Variants in MNAT1 observed in about 807,000 individuals in gnomAD.
MNAT1 encodes the protein MNAT1 component of CDK activating kinase, also known as CDK-activating kinase assembly factor MAT1.
Under a neutral mutation model 42.0 loss-of-function variants are expected in MNAT1, and 43 were observed. The observed-to-expected ratio is 1.02, with a 90% confidence interval of 0.80 to 1.32. The LOEUF (loss-of-function observed/expected upper bound fraction) is 1.32. Among genes scored for constraint, MNAT1 ranks in the 40% most tolerant of loss-of-function variants. MNAT1 has a pLI of 0.00. For missense variants in MNAT1, 306 were observed against 350.4 expected, an observed-to-expected ratio of 0.87 and a Z score of 1.01; for synonymous variants, 118 against 120.0, an observed-to-expected ratio of 0.98 and a Z score of 0.11.
intron 5 of MNAT1, among the ~76,000 whole-genome samples, chr14:60,815,703 C>A (rs2032692845): frequency 6.6e-6 from 1 of 152,132 alleles, no homozygotes; most frequent in Non-Finnish European, 1.5e-5. Flanking sequence ...TCTTCACCTG[C>A]AAGTCATTAC....
chr14:60,757,316 G>A (rs1184220746), intron 1 of MNAT1, among the ~76,000 whole-genome samples: 3 of 151,992 alleles, frequency 2.0e-5, no homozygotes, highest in Non-Finnish European at 2.9e-5. Flanking sequence ...TTAATATATA[G>A]ACTGTATCAA....
rs1292098396 is a variant in MNAT1, at chr14:60,812,094, AAGG to A, written c.530_532del (p.Arg177del). The A allele has an allele frequency of 6.3e-7, 1 of 1,588,804 alleles. No homozygotes were observed. The highest frequency in any genetic ancestry group is 2.3e-5 in the East Asian group (1 of 44,444). On this transcript the variant is annotated inframe_deletion, in exon 5 of 8. Coordinates refer to ENST00000261245, the MANE Select transcript of MNAT1 (RefSeq NM_002431.4). ...AAGAACAACTGCAGCAGATTCTAAA[AAGG>A]AAGAATAAGCAGGCTTTTTTAGATG...
chr14:60,895,513 C>T (rs572509590), intron 7 of MNAT1, among the ~76,000 whole-genome samples: 64 of 152,324 alleles, frequency 4.2e-4, no homozygotes, highest in African/African-American at 1.5e-3. Context: ...TTTCCCCCAA[C>T]CCAAAACTTC....
intron 6 of MNAT1, among the ~76,000 whole-genome samples, chr14:60,853,947 T>G (rs2139421892): frequency 1.3e-5 from 2 of 152,266 alleles, no homozygotes; most frequent in South Asian, 4.1e-4. Flanking sequence ...ATCTGTATAT[T>G]CCTGGGCTTT....
At position 60,879,569 on chromosome 14, in the gene MNAT1, G is replaced by A. The variant is rs894670313; in HGVS notation, c.688-145G>A. 30 of 675,080 alleles carry A rather than the reference G, an allele frequency of 4.4e-5. No individual in the cohort carries two copies. In the Admixed American group the frequency reaches 6.8e-4, roughly 15 times the overall value. 41.8% of individuals were successfully genotyped at this position (675,080 alleles called of 1,614,324 possible). A position where few individuals can be genotyped will look rare whatever the true frequency, so the allele number is the denominator to read the frequency against. On this transcript the variant is annotated intron_variant, in intron 6 of 7. Coordinates refer to ENST00000261245, the MANE Select transcript of MNAT1 (RefSeq NM_002431.4). The stretch of plus-strand genomic sequence containing the variant: ...CTATTATGTGGGTTTTGGTTATGCT[G>A]CAATGCATTGTACCCATGGAACAGC...
rs182039887 is a variant in MNAT1 at position 60,897,900 on chromosome 14, G to A, written c.809+18065G>A. On this transcript the variant is annotated intron_variant, in intron 7 of 7. Coordinates refer to ENST00000261245, the MANE Select transcript of MNAT1 (RefSeq NM_002431.4). ...TAACCTCTCTTTATTTTTCCTTTCC[G>A]CCCTCACACCCTTCCCAGCCTCTGC... Among the ~76,000 whole-genome samples the A allele has an allele frequency of 5.1e-4, 78 of 151,560 alleles. 3 individuals carry two copies. The East Asian group carries it at 7.9e-3, about 15-fold the overall frequency.
chr14:60,746,997 T>C (rs1395516390), intron 1 of MNAT1, among the ~76,000 whole-genome samples: 6 of 133,184 alleles, frequency 4.5e-5, no homozygotes, highest in Non-Finnish European at 9.6e-5. Flanking sequence ...TCTTTTTTTT[T>C]TTTTTTGAGA....
At position 60,938,052 on chromosome 14, in the gene MNAT1, G is replaced by C. The variant is rs562151773; in HGVS notation, c.810-30177G>C. Among the ~76,000 whole-genome samples, 166 of 152,192 alleles carry C rather than the reference G, an allele frequency of 1.1e-3. 2 individuals are homozygous for C. Among genetic ancestry groups the C allele is most frequent in the Middle Eastern group, 6.8e-3 (2 of 294 alleles). On this transcript the variant is annotated intron_variant, in intron 7 of 7. Transcript: ENST00000261245. ...TGTCTGTTATTGGTGTAGAAGAATGGTTGTGATTTTTGCACATTGATTTTG... is the reference window on the plus strand; with the variant it reads ...TGTCTGTTATTGGTGTAGAAGAATGCTTGTGATTTTTGCACATTGATTTTG...
intron 3 of MNAT1, among the ~76,000 whole-genome samples, chr14:60,804,255 G>C (rs1331076475): frequency 6.6e-6 from 1 of 152,164 alleles, no homozygotes; most frequent in Admixed American, 6.5e-5. Flanking sequence ...TCAAATGATT[G>C]TTATAGCAAA....
chr14:60,943,053 C>CTT (rs377454616), intron 7 of MNAT1, among the ~76,000 whole-genome samples: 1,859 of 53,118 alleles, frequency 0.035, 555 homozygotes, highest in African/African-American at 0.059. Flanking sequence ...TGTGTGTGCG[C>CTT]TTTTTTTTTT....
chr14:60,935,210 T>G (rs1469823663), intron 7 of MNAT1, among the ~76,000 whole-genome samples: 1 of 152,108 alleles, frequency 6.6e-6, no homozygotes, highest in Admixed American at 6.6e-5. Context: ...CCATTTGTGT[T>G]ACGTAGATAG....
intron 6 of MNAT1, among the ~76,000 whole-genome samples, chr14:60,857,534 G>T (rs2033990760): frequency 1.3e-5 from 2 of 152,218 alleles, no homozygotes; most frequent in South Asian, 4.1e-4. Context: ...ACAACAAAGG[G>T]TTTAGAATAT....
chr14:60,886,599 A>G (rs2034677406), intron 7 of MNAT1, among the ~76,000 whole-genome samples: 1 of 152,030 alleles, frequency 6.6e-6, no homozygotes, highest in South Asian at 2.1e-4. Flanking sequence ...TAGTATAAAG[A>G]AATATAGCTG....
At chr14:60,906,912 A>C (rs2035212350) in intron 7 of MNAT1, among the ~76,000 whole-genome samples, 1 of 152,150 alleles carries the variant, frequency 6.6e-6, no homozygotes, top group Admixed American at 6.6e-5. Context: ...ATGTATGCAG[A>C]AATTAGTTCA....
intron 7 of MNAT1, among the ~76,000 whole-genome samples, chr14:60,910,433 T>C (rs377277589): frequency 7.2e-5 from 11 of 152,194 alleles, no homozygotes; most frequent in African/African-American, 2.2e-4. Flanking sequence ...CCAGTTTTTG[T>C]CCATTCAGTA....
chr14:60,752,339 G>C (rs2030130341), intron 1 of MNAT1, among the ~76,000 whole-genome samples: 1 of 151,818 alleles, frequency 6.6e-6, no homozygotes, highest in Non-Finnish European at 1.5e-5. Flanking sequence ...TTTGGGATTA[G>C]GAATATAGTT....
chr14:60,835,630 A>T (rs533342012), intron 6 of MNAT1, among the ~76,000 whole-genome samples: 1 of 150,992 alleles, frequency 6.6e-6, no homozygotes, highest in South Asian at 2.1e-4. Context: ...ATGGGCTTCA[A>T]GGGTAACCTG....
chr14:60,892,512 A>G (rs936138044), intron 7 of MNAT1, among the ~76,000 whole-genome samples: 2 of 152,092 alleles, frequency 1.3e-5, no homozygotes, highest in African/African-American at 4.8e-5. Context: ...TAGATAACAT[A>G]TAGTTGGATC....
rs906719924 is a variant in MNAT1 at position 60,734,911 on chromosome 14, C to G, written c.49C>G (p.Pro17Ala). Residue 17 changes from proline to alanine, a missense_variant, in exon 1 of 8, where the codon CCC becomes GCC. This residue lies in a region of MNAT1 where 72 missense variants were observed against 111.0 expected (regional missense o/e 0.65). Transcript: ENST00000261245. The surrounding 1 kb of genome is among the most constrained non-coding windows in gnomAD (Gnocchi z 4.3). ...PRCKTTKYRN[P>A]SLKLMVNVCG... is the part of the protein sequence containing the mutation. ...GTGTAAGACCACCAAATATCGGAAC[C>G]CCTCCTTGAAGCTGATGGTGAATGT... 1 of 1,614,050 alleles carries G rather than the reference C, an allele frequency of 6.2e-7. No homozygotes were observed. The highest frequency in any genetic ancestry group is 8.5e-7 in the Non-Finnish European group (1 of 1,180,028).
Sources: gnomAD v4.1 joint callset for allele counts (sites outside exome capture counted in the v4.1 genomes callset) on GRCh38, gnomAD v4.1.1 for gene constraint, gnomAD v4.1.1 regional missense constraint, Gnocchi (gnomAD v3.1) non-coding constraint, MANE v1.5 for transcripts, NCBI Gene and HGNC (gene_info 2026-07-23, HGNC 2026-07-21) for gene names.